Variants in CSMD1 observed in about 807,000 individuals in gnomAD.
CSMD1 encodes the protein CUB and sushi domain-containing protein 1.
In CSMD1, 213 loss-of-function variants were observed where a neutral mutation model predicts 417.5. The observed-to-expected ratio is 0.51, with a 90% CI of 0.46 to 0.57. The LOEUF (loss-of-function observed/expected upper bound fraction) is 0.57. Among genes scored for constraint, CSMD1 ranks in the 20% least tolerant of loss-of-function variants. CSMD1 has a pLI of 0.00. For synonymous variants in CSMD1, 2,862 were observed against 1,736.8 expected (o/e 1.65, Z -16.11); for missense variants, 6,923 against 4,529.7 (o/e 1.53, Z -15.17).
intron 2 of CSMD1, among the ~76,000 whole-genome samples, chr8:4,487,006 G>C (rs1212122839): frequency 1.3e-5 from 2 of 152,134 alleles, no homozygotes; most frequent in Non-Finnish European, 2.9e-5. Context: ...ACATCGAGGT[G>C]CTGAGGCTAA....
intron 3 of CSMD1, among the ~76,000 whole-genome samples, chr8:4,356,620 G>C (rs552675250): frequency 2.6e-5 from 4 of 152,262 alleles, no homozygotes; most frequent in African/African-American, 9.6e-5. Context: ...TGTTTTCACT[G>C]TGTCTGCTTT....
At chr8:3,771,658 C>G (rs1182565736) in intron 5 of CSMD1, among the ~76,000 whole-genome samples, 1 of 152,110 alleles carries the variant, frequency 6.6e-6, no homozygotes, top group Non-Finnish European at 1.5e-5. Context: ...CCCCAGGAAG[C>G]AAAACACAGG....
chr8:3,052,803 C>A (rs1306342053), intron 49 of CSMD1, among the ~76,000 whole-genome samples, 156 bp from the exon 50 acceptor site: 1 of 145,374 alleles, frequency 6.9e-6, no homozygotes, highest in Admixed American at 6.9e-5. Flanking sequence ...TTTCTGGAGA[C>A]AAGAGTTTTG....
intron 1 of CSMD1, among the ~76,000 whole-genome samples, chr8:4,673,504 G>A (rs189211761): frequency 1.3e-5 from 2 of 152,030 alleles, no homozygotes; most frequent in East Asian, 3.9e-4. Flanking sequence ...TATGTGTTTT[G>A]TTGGAAGAGT....
At chr8:4,254,910 C>A (rs1803348316) in intron 3 of CSMD1, among the ~76,000 whole-genome samples, 1 of 152,160 alleles carries the variant, frequency 6.6e-6, no homozygotes, top group African/African-American at 2.4e-5. Context: ...TGAGGCATTT[C>A]TCAGAATACA....
intron 18 of CSMD1, among the ~76,000 whole-genome samples, chr8:3,378,420 C>G (rs1001390489): frequency 1.3e-5 from 2 of 152,122 alleles, no homozygotes; most frequent in Admixed American, 6.5e-5. Flanking sequence ...CATCCTGATA[C>G]CAAAACCTGG....
chr8:2,939,917 C>A (rs1801747793), intron 69 of CSMD1, among the ~76,000 whole-genome samples: 1 of 152,172 alleles, frequency 6.6e-6, no homozygotes, highest in African/African-American at 2.4e-5. Flanking sequence ...TGCCACAGTC[C>A]CTTCATGTGT....
At chr8:4,632,632 T>A (rs1459448109) in intron 2 of CSMD1, among the ~76,000 whole-genome samples, 1 of 152,080 alleles carries the variant, frequency 6.6e-6, no homozygotes, top group Non-Finnish European at 1.5e-5. Context: ...TGTACAAAGA[T>A]ATACAAGCCC....
chr8:3,327,831 T>G (rs77292340), intron 23 of CSMD1, among the ~76,000 whole-genome samples: 7,286 of 152,312 alleles, frequency 0.048, 412 homozygotes, highest in East Asian at 0.25. Context: ...CTCCGGGTCC[T>G]CATTTCTCTT....
intron 2 of CSMD1, among the ~76,000 whole-genome samples, chr8:4,602,233 T>A (rs13257897): frequency 0.64 from 97,851 of 151,984 alleles, 35,411 homozygotes; most frequent in Non-Finnish European, 0.8. Context: ...AAAATTGATG[T>A]TGTTGGGAGT....
Position 4,215,918 on chromosome 8 carries a change from G to T in CSMD1, c.416-183819C>A. Reference sequence around the variant, plus strand: ...AAAATTAAACAAGAACAAAGAGAACGTGGATTCATGCAGGACTGAACATGC... The same window carrying T: ...AAAATTAAACAAGAACAAAGAGAACTTGGATTCATGCAGGACTGAACATGC... On this transcript the variant is annotated intron_variant, in intron 3 of 69. Transcript: ENST00000635120. 2.0e-5 allele frequency among the ~76,000 whole-genome samples: 3 copies of T among 152,246 alleles called. No homozygotes were observed. The Middle Eastern group carries it at 0.01, about 518-fold the overall frequency.
intron 23 of CSMD1, among the ~76,000 whole-genome samples, chr8:3,324,107 AC>A (rs796971397): frequency 8.0e-6 from 1 of 124,376 alleles, no homozygotes; most frequent in East Asian, 3.4e-4. Flanking sequence ...AGTTTCCTTC[AC>A]CCCACCTTTC....
At chr8:3,464,111 T>C (rs1816668652) in intron 12 of CSMD1, among the ~76,000 whole-genome samples, 1 of 152,150 alleles carries the variant, frequency 6.6e-6, no homozygotes, top group South Asian at 2.1e-4. Flanking sequence ...GTTCCTTTAA[T>C]TCACCCCCTG....
chr8:3,078,895 T>C (rs926613177), intron 49 of CSMD1, among the ~76,000 whole-genome samples: 2 of 152,206 alleles, frequency 1.3e-5, no homozygotes, highest in African/African-American at 4.8e-5. Context: ...AGTTCCTTTT[T>C]TGTTGGGCTC....
chr8:3,664,560 G>A (rs1319230709), intron 7 of CSMD1, among the ~76,000 whole-genome samples: 2 of 152,182 alleles, frequency 1.3e-5, no homozygotes, highest in Admixed American at 1.3e-4. Flanking sequence ...TTCCTCATGA[G>A]AGAAAAGCAA....
intron 3 of CSMD1, among the ~76,000 whole-genome samples, chr8:4,091,046 G>C (rs1052303854): frequency 5.9e-5 from 9 of 151,708 alleles, no homozygotes; most frequent in African/African-American, 1.7e-4. Context: ...AGCCTCACAA[G>C]TATCTGGGTC....
chr8:4,951,980 A>C (rs1246385900), intron 1 of CSMD1, among the ~76,000 whole-genome samples: 5 of 151,394 alleles, frequency 3.3e-5, no homozygotes, highest in African/African-American at 1.2e-4. Flanking sequence ...CAAGCTTCTA[A>C]ACATAGTTTA....
intron 3 of CSMD1, among the ~76,000 whole-genome samples, chr8:4,048,505 G>A (rs1489434087): frequency 6.6e-6 from 1 of 152,088 alleles, no homozygotes; most frequent in Non-Finnish European, 1.5e-5. Flanking sequence ...AACTGAGGCA[G>A]AAAAGTTAAG....
Position 4,637,371 on chromosome 8 carries a change from T to C in CSMD1, c.273A>G (p.Gly91=), listed in dbSNP as rs1005518241. Residue 91 remains glycine, a synonymous_variant, in exon 2 of 70, where the codon GGA becomes GGG. Transcript: ENST00000635120. The stretch of plus-strand genomic sequence containing the variant: ...CTTTTAAATTCCCTTGTTGAGGCTG[T>C]CCATCGTAAACTGATAAAATATCAA... ...EDFDILSVYD[G]QPQQGNLKVR... The C allele has an allele frequency of 2.0e-5, 32 of 1,613,796 alleles. No homozygotes were observed. The highest frequency in any genetic ancestry group is 2.7e-5 in the African/African-American group (2 of 74,932).
Sources: gnomAD v4.1 joint callset for allele counts (sites outside exome capture counted in the v4.1 genomes callset) on GRCh38, gnomAD v4.1.1 for gene constraint, MANE v1.5 for transcripts, NCBI Gene and HGNC (gene_info 2026-07-23, HGNC 2026-07-21) for gene names.